FSCN2: variants seen among roughly 807,000 people sequenced by gnomAD.
FSCN2 encodes the protein fascin-2.
A neutral mutation model predicts 37.8 loss-of-function variants in FSCN2; 46 were observed. The observed-to-expected ratio is 1.22, with a 90% confidence interval of 0.96 to 1.56. The LOEUF is 1.56. Among genes scored for constraint, FSCN2 ranks in the 40% most tolerant of loss-of-function variants. The pLI is 0.00. For missense variants in FSCN2, 844 were observed against 730.4 expected, an observed-to-expected ratio of 1.16 and a Z score of -1.79; for synonymous variants, 351 against 309.4, an observed-to-expected ratio of 1.13 and a Z score of -1.41.
At chr17:81,529,640 G>T in intron 1 of FSCN2, 1 of 667,092 alleles carries the variant, frequency 1.5e-6, no homozygotes. Flanking sequence ...GCCAAGCCCT[G>T]GGCAGCTGCG....
At chr17:81,528,159 C>A (rs2032411261), upstream of FSCN2, among the ~76,000 whole-genome samples, 1 of 152,112 alleles carries the variant, frequency 6.6e-6, no homozygotes, top group Non-Finnish European at 1.5e-5. Context: ...GGCGCTGGGC[C>A]CACGCTATGA....
rs2032903612 is a variant in FSCN2 at position 81,536,923 on chromosome 17, G to C, written c.1322G>C (p.Ser441Thr). 2 of 1,574,676 alleles carry C rather than the reference G, an allele frequency of 1.3e-6. No individual in the cohort carries two copies. Among genetic ancestry groups the C allele is most frequent in the African/African-American group, 2.8e-5 (2 of 71,472 alleles). The change falls in exon 5 of 5, where the codon AGC (serine) becomes ACC (threonine). Residue 441 changes from serine to threonine, a missense_variant. Coordinates refer to ENST00000417245, the MANE Select transcript of FSCN2 (RefSeq NM_012418.4). ...WYTGSHGSVC[S>T]DGERAEDFVF... ...ACGGGCAGCCACGGCAGCGTGTGCA[G>C]CGACGGCGAACGCGCCGAGGACTTC...
At chr17:81,519,113 G>A in the FSCN2 span, 1 of 152,312 alleles carries the variant, frequency 6.6e-6, no homozygotes, top group Non-Finnish European at 1.5e-5. Context: ...GTGAGCCCCG[G>A]GATGTTTCTC....
chr17:81,531,301 T>G (rs2032558728), intron 1 of FSCN2, among the ~76,000 whole-genome samples: 1 of 122,966 alleles, frequency 8.1e-6, no homozygotes, highest in Non-Finnish European at 1.7e-5. Context: ...GTGGTGATGG[T>G]GATGGTGGTG....
At chr17:81,530,431 A>G (rs2032512467) in intron 1 of FSCN2, among the ~76,000 whole-genome samples, 1 of 152,102 alleles carries the variant, frequency 6.6e-6, no homozygotes, top group South Asian at 2.1e-4. Context: ...CTCCTTCCCC[A>G]CAAGCTGAGC....
At chr17:81,531,680 GAT>G (rs2032619343) in intron 1 of FSCN2, among the ~76,000 whole-genome samples, 2 of 143,828 alleles carry the variant, frequency 1.4e-5, no homozygotes, top group African/African-American at 2.8e-5. Context: ...TGGTGATGAT[GAT>G]GGTGATGATG....
chr17:81,524,917 A>ACACACACC (rs1382924835), upstream of FSCN2, among the ~76,000 whole-genome samples: 2 of 149,542 alleles, frequency 1.3e-5, no homozygotes, highest in Admixed American at 6.7e-5. Flanking sequence ...ACACACACAC[A>ACACACACC]CACCACACTC....
the FSCN2 span, among the ~76,000 whole-genome samples, chr17:81,517,465 G>T: frequency 6.6e-6 from 1 of 152,208 alleles, no homozygotes; most frequent in East Asian, 1.9e-4. Flanking sequence ...GCCGTCAGGT[G>T]GCCCAGCAAA....
the FSCN2 span, among the ~76,000 whole-genome samples, chr17:81,522,337 A>G: frequency 6.6e-6 from 1 of 152,182 alleles, no homozygotes; most frequent in African/African-American, 2.4e-5. Flanking sequence ...TCTCTGCACC[A>G]TTTCATTAAC....
chr17:81,530,466 G>A (rs1035028088), intron 1 of FSCN2: 68 of 385,024 alleles, frequency 1.8e-4, no homozygotes, highest in South Asian at 1.2e-3. Flanking sequence ...CCTGGCCCGG[G>A]CAGTCACTAC....
rs2032888408 is a variant in FSCN2, at chr17:81,536,642, C to T, written c.1126C>T (p.Leu376Phe). The T allele has an allele frequency of 6.2e-7, 1 of 1,610,614 alleles. No individual in the cohort carries two copies. The highest frequency in any genetic ancestry group is 1.1e-5 in the South Asian group (1 of 91,008). The change falls in exon 4 of 5, where the codon CTC (leucine) becomes TTC (phenylalanine). Residue 376 changes from leucine (L) to phenylalanine (F), a missense_variant. By Grantham distance (22) the Leu-to-Phe change is conservative (BLOSUM62 0). Coordinates refer to ENST00000417245, the MANE Select transcript of FSCN2 (RefSeq NM_012418.4). ...GCCAGGCAAGGACGAAGAGTTCACC[C>T]TCAAGCTCATCAACCGGCCCATCCT... is the stretch of plus-strand genomic sequence containing the variant. The part of the protein sequence containing the change: ...DFVGKDEEFT[L>F]KLINRPILVL...
chr17:81,529,982 T>G (rs1219082142), intron 1 of FSCN2: 3 of 304,146 alleles, frequency 9.9e-6, no homozygotes, highest in South Asian at 8.2e-5. Flanking sequence ...GCTAATTTTT[T>G]GTATTTTTTA....
the FSCN2 span, among the ~76,000 whole-genome samples, chr17:81,516,143 C>T: frequency 6.6e-6 from 1 of 152,280 alleles, no homozygotes; most frequent in Non-Finnish European, 1.5e-5. Context: ...CTCACCCAGC[C>T]TGGAGTGTCT....
chr17:81,531,795 A>ATAGTGATGG (rs2032636402), intron 1 of FSCN2, among the ~76,000 whole-genome samples: 1 of 53,520 alleles, frequency 1.9e-5, no homozygotes, highest in East Asian at 3.5e-3. Context: ...GATGGTGATG[A>ATAGTGATGG]TGATAATGGT....
At chr17:81,531,711 G>GTGA in intron 1 of FSCN2, among the ~76,000 whole-genome samples, 1 of 62,354 alleles carries the variant, frequency 1.6e-5, no homozygotes, top group African/African-American at 8.5e-5. Context: ...GATGATGATA[G>GTGA]TGATGGTGGT....
At chr17:81,531,483 GTGA>G (rs1156532539) in intron 1 of FSCN2, among the ~76,000 whole-genome samples, 15 of 130,300 alleles carry the variant, frequency 1.2e-4, no homozygotes, top group Admixed American at 6.2e-4. Context: ...GGTGGTGATG[GTGA>G]TGATGGTGAT....
In FSCN2 at chr17:81,536,877, C is replaced by T. The variant is rs749706542; in HGVS notation, c.1276C>T (p.Arg426Cys). The stretch of plus-strand genomic sequence containing the variant: ...GCCGACGCCGTCCCGTCCCCCAGGC[C>T]GCGACGGAGGGTTCTGGTACACGGG... Reference protein sequence around the residue: ...FSDGAYRIRGRDGGFWYTGSH... With the variant: ...FSDGAYRIRGCDGGFWYTGSH... Residue 426 changes from arginine to cysteine, a missense_variant and splice_region_variant, in exon 5 of 5, where the codon CGC (arginine) becomes TGC (cysteine). Physicochemically the swap from Arg to Cys is radical, Grantham distance 180. Transcript: ENST00000417245. 35 of 1,568,878 alleles carry T rather than the reference C, an allele frequency of 2.2e-5. No homozygotes were observed. The highest frequency in any genetic ancestry group is 3.6e-5 in the Admixed American group (2 of 55,448).
intron 1 of FSCN2, among the ~76,000 whole-genome samples, chr17:81,531,858 GTGATGGCGA>G (rs1450501931): frequency 1.9e-5 from 2 of 105,452 alleles, no homozygotes; most frequent in Non-Finnish European, 3.8e-5. Context: ...GGTGATGGTG[GTGATGGCGA>G]TGATGGTGAT....
Position 81,537,096 on chromosome 17 carries a change from A to C in FSCN2, c.*16A>C, listed in dbSNP as rs1219361003. ...GGAGTACTGAGGCCGCGCCCAGACC[A>C]GCCTGTCGCGCATTAAAACCGTGTC... On this transcript the variant is annotated 3_prime_UTR_variant, in exon 5 of 5. Coordinates refer to ENST00000417245, the MANE Select transcript of FSCN2 (RefSeq NM_012418.4). 2.8e-6 allele frequency: 4 copies of C among 1,404,958 alleles called. No individual in the cohort carries two copies. Among genetic ancestry groups the C allele is most frequent in the Non-Finnish European group, 3.7e-6 (4 of 1,085,790 alleles). 87.0% of individuals were successfully genotyped at this position (1,404,958 alleles called of 1,614,324 possible). A position where few individuals can be genotyped will look rare whatever the true frequency, so the allele number is the denominator to read the frequency against.
Sources: allele counts gnomAD v4.1 joint callset (sites outside exome capture counted in the v4.1 genomes callset), GRCh38; gene constraint gnomAD v4.1.1; transcripts MANE v1.5; gene names NCBI Gene and HGNC (gene_info 2026-07-23, HGNC 2026-07-21).